The following ARHGAP8 variants were observed in gnomAD, a reference collection of about 807,000 sequenced individuals.
ARHGAP8 encodes the protein rho GTPase-activating protein 8.
ARHGAP8 carries 62 observed loss-of-function variants against 46.1 expected under a neutral mutation model. The ratio of observed to expected loss-of-function variants is 1.34; its 90% CI spans 1.10 to 1.66. ARHGAP8 has a LOEUF of 1.66. Ranked by LOEUF, ARHGAP8 falls within the 40% of genes most tolerant of loss-of-function variation. The pLI, the probability that ARHGAP8 is intolerant of heterozygous loss-of-function variation, is 0.00. For missense variants in ARHGAP8, 923 were observed against 568.4 expected (o/e 1.62, Z -6.34); for synonymous variants, 375 against 243.1 (o/e 1.54, Z -5.05).
chr22:44,819,091 C>G (rs1279718814), intron 5 of ARHGAP8, among the ~76,000 whole-genome samples: 1 of 151,088 alleles, frequency 6.6e-6, no homozygotes, highest in Non-Finnish European at 1.5e-5. Context: ...TGCTTTGAGA[C>G]AAGGTCTCAG....
chr22:44,861,656 G>A (rs1335086142), intron 11 of ARHGAP8, among the ~76,000 whole-genome samples: 1 of 152,190 alleles, frequency 6.6e-6, no homozygotes, highest in Non-Finnish European at 1.5e-5. Context: ...GCAGAGAACA[G>A]GCCCTGCCCT....
At chr22:44,778,800 A>G (rs1355190082) in intron 1 of ARHGAP8, among the ~76,000 whole-genome samples, 1 of 152,188 alleles carries the variant, frequency 6.6e-6, no homozygotes, top group Non-Finnish European at 1.5e-5. Flanking sequence ...AGCAGAAATA[A>G]CGGCCTCACC....
intron 1 of ARHGAP8, among the ~76,000 whole-genome samples, chr22:44,760,500 C>G: frequency 6.6e-6 from 1 of 152,134 alleles, no homozygotes; most frequent in East Asian, 1.9e-4. Context: ...CCCAAGAGCC[C>G]TTTATCAGAA....
At chr22:44,841,016 C>A (rs1035268697) in intron 7 of ARHGAP8, among the ~76,000 whole-genome samples, 2 of 152,180 alleles carry the variant, frequency 1.3e-5, no homozygotes, top group Non-Finnish European at 2.9e-5. Context: ...CTTGGCTCTG[C>A]AGGCCTCATA....
At chr22:44,824,522 G>A (rs1055228040) in intron 6 of ARHGAP8, among the ~76,000 whole-genome samples, 1 of 152,152 alleles carries the variant, frequency 6.6e-6, no homozygotes, top group Non-Finnish European at 1.5e-5. Flanking sequence ...CCGGGTCCCT[G>A]CTGTATGCAC....
chr22:44,821,514 G>A (rs1930145605), intron 5 of ARHGAP8, among the ~76,000 whole-genome samples: 1 of 152,108 alleles, frequency 6.6e-6, no homozygotes. Context: ...ATATATTTAT[G>A]GCAAAAACCA....
intron 10 of ARHGAP8, among the ~76,000 whole-genome samples, chr22:44,853,243 A>T (rs1219401616): frequency 6.6e-6 from 1 of 152,174 alleles, no homozygotes; most frequent in East Asian, 1.9e-4. Flanking sequence ...GTCTTTGGTG[A>T]TGGCACTGGG....
Position 44,862,264 on chromosome 22 carries a change from G to C in ARHGAP8, c.982-11G>C. 1 of 1,578,886 alleles carries C rather than the reference G, an allele frequency of 6.3e-7. No individual in the cohort carries two copies. Among genetic ancestry groups the C allele is most frequent in the Non-Finnish European group, 8.6e-7 (1 of 1,157,826 alleles). ...GTTCACTCCCCTTTACTTGTGTGTGGTTTCCTCCAGGTGTCCCGGGAGAGC... is the reference window on the plus strand; with the variant it reads ...GTTCACTCCCCTTTACTTGTGTGTGCTTTCCTCCAGGTGTCCCGGGAGAGC... On this transcript the variant is annotated splice_polypyrimidine_tract_variant and intron_variant, in intron 11 of 11. Transcript: ENST00000356099.
At chr22:44,842,336 G>A (rs910354035) in intron 7 of ARHGAP8, among the ~76,000 whole-genome samples, 12 of 152,094 alleles carry the variant, frequency 7.9e-5, no homozygotes, top group Admixed American at 6.5e-5. Flanking sequence ...CAGCCTGGGG[G>A]ACAGAGCGAG....
chr22:44,860,083 C>T (rs953238552), intron 11 of ARHGAP8, among the ~76,000 whole-genome samples: 4 of 152,172 alleles, frequency 2.6e-5, no homozygotes, highest in African/African-American at 9.7e-5. Flanking sequence ...GTCCCTCAGC[C>T]ATTGCCAGTG....
At chr22:44,827,777 A>T (rs1463065589) in intron 7 of ARHGAP8, among the ~76,000 whole-genome samples, 1 of 152,162 alleles carries the variant, frequency 6.6e-6, no homozygotes, top group Non-Finnish European at 1.5e-5. Context: ...TCCCAGAGCT[A>T]GCAAGTTTGC....
intron 2 of ARHGAP8, among the ~76,000 whole-genome samples, chr22:44,798,870 ATTTCCTGCCTCAGCCT>A (rs925041556): frequency 4.0e-5 from 6 of 151,608 alleles, no homozygotes; most frequent in Non-Finnish European, 8.8e-5. Context: ...GGTTCAAGCA[ATTTCCTGCCTCAGCCT>A]CCCGAGTAGC....
chr22:44,859,721 G>T lies in ARHGAP8; in HGVS notation c.878-10G>T. ...TCTGGAGCTCAGCAGGGAGCCCCAT[G>T]CCCTTCCAGGTGTGGAGAGCAGCCT... On this transcript the variant is annotated splice_polypyrimidine_tract_variant and intron_variant, in intron 10 of 11. Coordinates refer to ENST00000356099, the MANE Select transcript of ARHGAP8 (RefSeq NM_181335.3). 3 of 1,612,890 alleles carry T rather than the reference G, an allele frequency of 1.9e-6. No individual in the cohort carries two copies. The highest frequency in any genetic ancestry group is 2.5e-6 in the Non-Finnish European group (3 of 1,179,976).
intron 1 of ARHGAP8, among the ~76,000 whole-genome samples, chr22:44,767,459 A>T (rs1353758388): frequency 6.6e-6 from 1 of 152,106 alleles, no homozygotes; most frequent in Non-Finnish European, 1.5e-5. Context: ...GCCTGATACC[A>T]TTATCACACT....
intron 7 of ARHGAP8, among the ~76,000 whole-genome samples, chr22:44,826,601 AT>A (rs1930540990): frequency 2.0e-5 from 3 of 151,822 alleles, no homozygotes; most frequent in Non-Finnish European, 4.4e-5. Context: ...ATTTTTTTGT[AT>A]TTTTAGTAGA....
chr22:44,854,522 C>G (rs2070175090), intron 10 of ARHGAP8, among the ~76,000 whole-genome samples: 2 of 152,068 alleles, frequency 1.3e-5, no homozygotes, highest in African/African-American at 4.8e-5. Context: ...CATGAGCCAC[C>G]ATGCCAGGCC....
chr22:44,809,298 T>A, intron 4 of ARHGAP8: 3 of 428,860 alleles, frequency 7.0e-6, no homozygotes, highest in South Asian at 1.7e-5. Context: ...TTCAACCACT[T>A]AAAAACATAA....
chr22:44,860,364 G>C (rs1601536040), intron 11 of ARHGAP8, among the ~76,000 whole-genome samples: 1 of 152,140 alleles, frequency 6.6e-6, no homozygotes, highest in Non-Finnish European at 1.5e-5. Context: ...TCTAGGGAAG[G>C]TTCCCCTTCC....
chr22:44,793,991 G>C (rs12483891), intron 2 of ARHGAP8, among the ~76,000 whole-genome samples: 1 of 152,246 alleles, frequency 6.6e-6, no homozygotes, highest in African/African-American at 2.4e-5. Flanking sequence ...CCGAGGGAGC[G>C]AGGGAGGCCG....
Sources: allele counts gnomAD v4.1 joint callset (sites outside exome capture counted in the v4.1 genomes callset), GRCh38; gene constraint gnomAD v4.1.1; transcripts MANE v1.5; gene names NCBI Gene and HGNC (gene_info 2026-07-23, HGNC 2026-07-21).